PAX5: variants seen among roughly 807,000 people sequenced by gnomAD.
PAX5 encodes the protein paired box protein Pax-5.
In PAX5, 9 loss-of-function variants were observed where a neutral mutation model predicts 43.7. The observed-to-expected ratio is 0.21, with a 90% CI of 0.12 to 0.36. The LOEUF (loss-of-function observed/expected upper bound fraction) is 0.36, where lower values mean the gene tolerates loss of function less well. Among genes scored for constraint, PAX5 ranks in the 10% least tolerant of loss-of-function variants. PAX5 has a pLI of 1.00. For missense variants in PAX5, 383 were observed against 532.7 expected (o/e 0.72, Z 2.77); for synonymous variants, 228 against 214.3 (o/e 1.06, Z -0.56).
At chr9:36,864,075 T>C (rs190457043) in intron 8 of PAX5, among the ~76,000 whole-genome samples, 61 of 152,306 alleles carry the variant, frequency 4.0e-4, no homozygotes, top group African/African-American at 1.1e-3. Context: ...CACCGCTACA[T>C]TCCAGCCTGG....
At chr9:36,936,823 C>A (rs1831590583) in intron 6 of PAX5, among the ~76,000 whole-genome samples, 1 of 119,246 alleles carries the variant, frequency 8.4e-6, no homozygotes, top group Non-Finnish European at 1.8e-5. Flanking sequence ...CAGGCACACA[C>A]ACACATGCAC....
At chr9:37,011,611 T>C (rs1308040061) in intron 3 of PAX5, among the ~76,000 whole-genome samples, 1 of 152,130 alleles carries the variant, frequency 6.6e-6, no homozygotes, top group Non-Finnish European at 1.5e-5. Context: ...CGTTTGTCCA[T>C]AAGAAGTCAA....
At chr9:37,000,893 C>G (rs1443141390) in intron 5 of PAX5, among the ~76,000 whole-genome samples, 1 of 152,240 alleles carries the variant, frequency 6.6e-6, no homozygotes, top group South Asian at 2.1e-4. Flanking sequence ...TTGAAGGCAG[C>G]AATCCAGTCT....
intron 8 of PAX5, among the ~76,000 whole-genome samples, chr9:36,869,895 A>AATGG (rs371489118): frequency 0.1 from 5,113 of 49,382 alleles, 350 homozygotes; most frequent in East Asian, 0.22. Flanking sequence ...TGGATGGATA[A>AATGG]ATGGATGGAT....
intron 7 of PAX5, among the ~76,000 whole-genome samples, chr9:36,920,618 GTTTCAGATTTTGGATCGC>G (rs1830089917): frequency 1.3e-5 from 2 of 152,082 alleles, no homozygotes; most frequent in African/African-American, 4.8e-5. Context: ...GACCAGAAGT[GTTTCAGATTTTGGATCGC>G]TTTGGATTTT....
intron 5 of PAX5, among the ~76,000 whole-genome samples, chr9:36,987,704 G>A (rs1392344720): frequency 6.6e-6 from 1 of 152,172 alleles, no homozygotes; most frequent in Non-Finnish European, 1.5e-5. Context: ...GAAGATGCTC[G>A]GGGCCATGGG....
At chr9:36,841,873 G>A (rs1272444120) in intron 9 of PAX5, among the ~76,000 whole-genome samples, 1 of 152,206 alleles carries the variant, frequency 6.6e-6, no homozygotes, top group Non-Finnish European at 1.5e-5. Context: ...AAGCTCTGGA[G>A]AGTGCAAGAT....
chr9:37,020,587 T>C, intron 2 of PAX5, 49 bp downstream of exon 2: 1 of 1,575,652 alleles, frequency 6.3e-7, no homozygotes, highest in Non-Finnish European at 8.7e-7. Flanking sequence ...GGTCATGTTT[T>C]AGGTCTTTAT....
chr9:37,029,106 T>G (rs1009688744), intron 1 of PAX5, among the ~76,000 whole-genome samples: 1 of 152,168 alleles, frequency 6.6e-6, no homozygotes, highest in Non-Finnish European at 1.5e-5. Context: ...TGAGTGATGA[T>G]CCGCTAATAT....
intron 4 of PAX5, 173 bp from the exon 5 acceptor site, chr9:37,002,949 T>A: frequency 1.4e-6 from 1 of 695,420 alleles, no homozygotes; most frequent in African/African-American, 1.9e-5. Flanking sequence ...AGCGCAGGCC[T>A]CGGGCGGGCC....
At chr9:36,906,687 C>G (rs557180263) in intron 7 of PAX5, among the ~76,000 whole-genome samples, 1 of 152,216 alleles carries the variant, frequency 6.6e-6, no homozygotes, top group Non-Finnish European at 1.5e-5. Flanking sequence ...CTGGACAGAT[C>G]CCCCCGCAAG....
chr9:36,848,992 T>A (rs1822880993), intron 8 of PAX5, among the ~76,000 whole-genome samples: 1 of 152,180 alleles, frequency 6.6e-6, no homozygotes, highest in African/African-American at 2.4e-5. Flanking sequence ...AGCCTTACAG[T>A]GGTGAATGTA....
chr9:36,846,730 C>T (rs1383314602), intron 9 of PAX5, 113 bp downstream of exon 9: 2 of 683,344 alleles, frequency 2.9e-6, no homozygotes, highest in East Asian at 2.7e-5. Flanking sequence ...GGCAAGCTAC[C>T]CACCCACCTC....
At chr9:36,876,745 A>C (rs1825945845) in intron 8 of PAX5, among the ~76,000 whole-genome samples, 1 of 152,176 alleles carries the variant, frequency 6.6e-6, no homozygotes, top group African/African-American at 2.4e-5. Flanking sequence ...TCTTCAACAT[A>C]ACTGCTCTGC....
At chr9:37,027,605 T>TGCC (rs550059461) in intron 1 of PAX5, among the ~76,000 whole-genome samples, 2 of 152,174 alleles carry the variant, frequency 1.3e-5, no homozygotes, top group Non-Finnish European at 2.9e-5. Flanking sequence ...CTGCCTGCGT[T>TGCC]GCCGCCGCCG....
At chr9:36,908,808 G>C (rs1829021424) in intron 7 of PAX5, among the ~76,000 whole-genome samples, 1 of 152,166 alleles carries the variant, frequency 6.6e-6, no homozygotes, top group Non-Finnish European at 1.5e-5. Flanking sequence ...AAATCTATGA[G>C]ACCATTAGCA....
At position 36,836,013 on chromosome 9, in the gene PAX5, G is replaced by A; in HGVS notation, c.*4547C>T. ...TTTTTAAGATTTGCTTCCCTGGCTT[G>A]GAGCTCAATTCTGGCTGAATGTCAT... On this transcript the variant is annotated 3_prime_UTR_variant, in exon 10 of 10. Coordinates refer to ENST00000358127, the MANE Select transcript of PAX5 (RefSeq NM_016734.3). 4.3e-6 allele frequency: 1 copy of A among 233,678 alleles called. No homozygotes were observed. The highest frequency in any genetic ancestry group is 6.0e-5 in the East Asian group (1 of 16,600). The allele number at this position is 233,678 out of a possible 1,614,324, so 14.5% of individuals were successfully genotyped here.
chr9:37,034,098 C>CTTTTTT lies in PAX5; in HGVS notation c.-73_-68dup, dbSNP rs576653546. On this transcript the variant is annotated 5_prime_UTR_variant, in exon 1 of 10. Transcript: ENST00000358127. ...TCCACTTTTTTGTGCCTTTTTTTTTCTTTTTTTTTTTTTTTTTTTTTTTTT... is the reference window on the plus strand; with the variant it reads ...TCCACTTTTTTGTGCCTTTTTTTTTCTTTTTTTTTTTTTTTTTTTTTTTTTTTTTTT... The CTTTTTT allele has an allele frequency of 9.7e-4, 310 of 319,986 alleles. 4 individuals are homozygous for CTTTTTT. The highest frequency in any genetic ancestry group is 1.7e-3 in the South Asian group (59 of 33,884). The allele number at this position is 319,986 out of a possible 1,614,324, so 19.8% of individuals were successfully genotyped here.
rs1000105042 is a variant in PAX5 at position 36,833,921 on chromosome 9, C to T, written c.*6639G>A. 3.9e-5 allele frequency: 9 copies of T among 230,150 alleles called. No homozygotes were observed. Among genetic ancestry groups the T allele is most frequent in the Middle Eastern group, 2.6e-3 (2 of 780 alleles). 14.3% of individuals were successfully genotyped at this position (230,150 alleles called of 1,614,324 possible). A position where few individuals can be genotyped will look rare whatever the true frequency, so the allele number is the denominator to read the frequency against. The stretch of plus-strand genomic sequence containing the variant: ...TCTATGCAGGCATCACAAACTTTGG[C>T]GGATACAGTAGATATGTATTTCTTT... On this transcript the variant is annotated 3_prime_UTR_variant, in exon 10 of 10. Transcript: ENST00000358127.
Sources: gnomAD v4.1 joint callset for allele counts (sites outside exome capture counted in the v4.1 genomes callset) on GRCh38, gnomAD v4.1.1 for gene constraint, MANE v1.5 for transcripts, NCBI Gene and HGNC (gene_info 2026-07-23, HGNC 2026-07-21) for gene names.